The following FNIP1 variants were observed in gnomAD, a reference collection of about 807,000 sequenced individuals.
The protein encoded by FNIP1 is folliculin-interacting protein 1.
Under a neutral mutation model 124.5 loss-of-function variants are expected in FNIP1, and 40 were observed. That is an observed-to-expected ratio of 0.32 (90% CI 0.25 to 0.42). FNIP1 has a LOEUF of 0.42. Ranked by LOEUF, FNIP1 falls within the 10% of genes least tolerant of loss-of-function variation. The pLI is 1.00. For missense variants in FNIP1, 1,176 were observed against 1,403.7 expected (o/e 0.84, Z 2.59); for synonymous variants, 472 against 470.6 (o/e 1.00, Z -0.04).
At position 131,644,729 on chromosome 5, in the gene FNIP1, C is replaced by T; in HGVS notation, c.3457G>A (p.Val1153Ile). The change falls in exon 18 of 18, where the codon GTA (valine) becomes ATA (isoleucine). Residue 1153 changes from valine (V) to isoleucine (I), a missense_variant. Around this residue, in one of 2 missense-constraint regions of FNIP1, gnomAD observed 67 missense variants for 115.2 expected, o/e 0.58. Transcript: ENST00000510461. The stretch of plus-strand genomic sequence containing the variant: ...ACATATGGAGAGTGAGTGCTTGCTA[C>T]AGCAGCCAGAAGTGGAAGATCACTG... Reference protein sequence around the residue: ...ESSDLPLLAAVASTHSPYVAQ... With the variant: ...ESSDLPLLAAIASTHSPYVAQ... 6.2e-7 allele frequency: 1 copy of T among 1,613,948 alleles called. No individual in the cohort carries two copies. Among genetic ancestry groups the T allele is most frequent in the South Asian group, 1.1e-5 (1 of 91,084 alleles).
chr5:131,710,093 T>C (rs987257612), intron 7 of FNIP1, among the ~76,000 whole-genome samples: 3 of 152,246 alleles, frequency 2.0e-5, no homozygotes, highest in Non-Finnish European at 4.4e-5. Context: ...CAGAGCATTA[T>C]AGTAGTGCTT....
In FNIP1 at chr5:131,726,187, A is replaced by G. The variant is rs893140417; in HGVS notation, c.354+4717T>C. Among the ~76,000 whole-genome samples the G allele has an allele frequency of 3.4e-4, 52 of 152,210 alleles. 1 individual carries two copies. Among genetic ancestry groups the G allele is most frequent in the Admixed American group, 2.2e-3 (34 of 15,286 alleles). ...TGTTGTGTCTCTGCTAGGTTTTGGT[A>G]TCAGGATGATGTTGGCCTCATAAAA... On this transcript the variant is annotated intron_variant, in intron 3 of 17. Coordinates refer to ENST00000510461, the MANE Select transcript of FNIP1 (RefSeq NM_133372.3).
chr5:131,677,566 A>G, intron 13 of FNIP1, 137 bp downstream of exon 13: 1 of 780,590 alleles, frequency 1.3e-6, no homozygotes, highest in Non-Finnish European at 2.0e-6. Flanking sequence ...GGCAGACATG[A>G]AAGGACAAGC....
intron 1 of FNIP1, among the ~76,000 whole-genome samples, chr5:131,789,293 T>A (rs1772321667): frequency 6.6e-6 from 1 of 152,004 alleles, no homozygotes; most frequent in Non-Finnish European, 1.5e-5. Context: ...ATACATATAT[T>A]TAAAATAAAT....
chr5:131,673,272 T>A (rs527710508), intron 13 of FNIP1, among the ~76,000 whole-genome samples: 1 of 151,596 alleles, frequency 6.6e-6, no homozygotes, highest in African/African-American at 2.4e-5. Flanking sequence ...CCTAGGGTGG[T>A]CTTGAGCTCC....
Position 131,661,904 on chromosome 5 carries a change from T to C in FNIP1, c.3108+8559A>G, listed in dbSNP as rs181785543. On this transcript the variant is annotated intron_variant, in intron 15 of 17. Transcript: ENST00000510461. Reference sequence around the variant, plus strand: ...GTGAGAGGCTAATCTGAGGCTGTAGTGATTCTGGTGTACTTTTCGATGGGT... The same window carrying C: ...GTGAGAGGCTAATCTGAGGCTGTAGCGATTCTGGTGTACTTTTCGATGGGT... Among the ~76,000 whole-genome samples, 289 of 152,320 alleles carry C rather than the reference T, an allele frequency of 1.9e-3. 1 individual carries two copies. Among genetic ancestry groups the C allele is most frequent in the African/African-American group, 5.9e-3 (245 of 41,572 alleles).
intron 2 of FNIP1, among the ~76,000 whole-genome samples, chr5:131,734,867 T>C (rs1192762250): frequency 6.6e-6 from 1 of 152,198 alleles, no homozygotes; most frequent in Non-Finnish European, 1.5e-5. Context: ...GGTGGGACTG[T>C]AAACTAGTTC....
chr5:131,753,558 T>C (rs898171127), intron 1 of FNIP1, among the ~76,000 whole-genome samples: 3 of 152,090 alleles, frequency 2.0e-5, no homozygotes, highest in East Asian at 1.9e-4. Flanking sequence ...TGGACAATGA[T>C]AGAAATCAAA....
At chr5:131,792,604 A>G (rs1772444211) in intron 1 of FNIP1, among the ~76,000 whole-genome samples, 1 of 152,244 alleles carries the variant, frequency 6.6e-6, no homozygotes, top group Non-Finnish European at 1.5e-5. Context: ...TATTTGGGAT[A>G]CAGGATGAGC....
rs576582843 is a variant in FNIP1 at position 131,710,571 on chromosome 5, C to G, written c.706+7G>C. 19 of 1,613,124 alleles carry G rather than the reference C, an allele frequency of 1.2e-5. No homozygotes were observed. Among genetic ancestry groups the G allele is most frequent in the East Asian group, 8.9e-5 (4 of 44,880 alleles). ...CAACTAGTCTACCCACACAGCACATCGCAAACCTGCAAAGAAAGAGGCGCT... is the reference window on the plus strand; with the variant it reads ...CAACTAGTCTACCCACACAGCACATGGCAAACCTGCAAAGAAAGAGGCGCT... On this transcript the variant is annotated splice_region_variant and intron_variant, in intron 7 of 17. Transcript: ENST00000510461.
intron 13 of FNIP1, among the ~76,000 whole-genome samples, chr5:131,674,786 T>A (rs1299853924): frequency 6.6e-6 from 1 of 152,136 alleles, no homozygotes; most frequent in Non-Finnish European, 1.5e-5. Flanking sequence ...TTTGAAGTTG[T>A]CAGTATACAC....
intron 1 of FNIP1, among the ~76,000 whole-genome samples, chr5:131,750,762 G>C (rs1337679321): frequency 1.3e-5 from 2 of 152,014 alleles, no homozygotes; most frequent in Non-Finnish European, 2.9e-5. Flanking sequence ...ACAGGTATGT[G>C]CCACCACGCC....
At chr5:131,730,202 C>T (rs936287675) in intron 3 of FNIP1, among the ~76,000 whole-genome samples, 10 of 152,122 alleles carry the variant, frequency 6.6e-5, no homozygotes, top group Admixed American at 2.0e-4. Context: ...TGCAGTAAAT[C>T]CAAGTGGAGT....
chr5:131,746,504 C>T (rs2149562119), intron 1 of FNIP1, among the ~76,000 whole-genome samples: 1 of 152,290 alleles, frequency 6.6e-6, no homozygotes, highest in Middle Eastern at 3.4e-3. Context: ...TTAGCTCCCA[C>T]TTATAACTGA....
chr5:131,729,002 C>T (rs1027302920), intron 3 of FNIP1, among the ~76,000 whole-genome samples: 2 of 152,134 alleles, frequency 1.3e-5, no homozygotes, highest in African/African-American at 4.8e-5. Context: ...GCCTGGGTAT[C>T]ACCACTGGAG....
intron 1 of FNIP1, among the ~76,000 whole-genome samples, chr5:131,754,734 T>C (rs948854099): frequency 1.5e-4 from 23 of 152,234 alleles, no homozygotes; most frequent in Non-Finnish European, 3.1e-4. Flanking sequence ...TACAGACTTC[T>C]TCATCCAGGC....
In FNIP1 at chr5:131,796,862, G is replaced by A. The variant is rs1168205683; in HGVS notation, c.60C>T (p.Gly20=). 6.2e-7 allele frequency: 1 copy of A among 1,606,070 alleles called. No individual in the cohort carries two copies. The highest frequency in any genetic ancestry group is 1.1e-5 in the South Asian group (1 of 89,928). ...CGCAATCTGGGTCCCGGGCGTCGCG[G>A]CCGGGCGCGCCCAGCCCGGTCCTCT... is the stretch of plus-strand genomic sequence containing the variant. The part of the protein sequence containing the change: ...FSKRTGLGAP[G]RDARDPDCGF... Residue 20 remains glycine (G), a synonymous_variant, in exon 1 of 18, where the codon GGC becomes GGT. Coordinates refer to ENST00000510461, the MANE Select transcript of FNIP1 (RefSeq NM_133372.3).
chr5:131,710,789 T>G, intron 6 of FNIP1, 128 bp from the exon 7 acceptor site: 3 of 611,250 alleles, frequency 4.9e-6, no homozygotes, highest in Non-Finnish European at 8.3e-6. Flanking sequence ...ACTTTTAAAC[T>G]AAATAAGAAT....
chr5:131,682,716 CA>C (rs397706462), intron 11 of FNIP1, among the ~76,000 whole-genome samples: 175 of 137,550 alleles, frequency 1.3e-3, no homozygotes, highest in Admixed American at 1.2e-3. Context: ...GACTCCGTCT[CA>C]AAAAAAAAAA....
Sources: gnomAD v4.1 joint callset for allele counts (sites outside exome capture counted in the v4.1 genomes callset) on GRCh38, gnomAD v4.1.1 for gene constraint, gnomAD v4.1.1 regional missense constraint, MANE v1.5 for transcripts, NCBI Gene and HGNC (gene_info 2026-07-23, HGNC 2026-07-21) for gene names.